PHF19: variants seen among roughly 807,000 people sequenced by gnomAD.
The protein encoded by PHF19 is PHD finger protein 19, also known as polycomb like 3.
In PHF19, 21 loss-of-function variants were observed where a neutral mutation model predicts 79.8. That is an observed-to-expected ratio of 0.26 (90% CI 0.19 to 0.38). The LOEUF (loss-of-function observed/expected upper bound fraction) is 0.38, where lower values mean the gene tolerates loss of function less well. PHF19 is among the 10% of genes least tolerant of loss of function. The pLI is 1.00. For synonymous variants in PHF19, 273 were observed against 296.3 expected (o/e 0.92, Z 0.81); for missense variants, 445 against 744.2 (o/e 0.60, Z 4.68).
At chr9:120,861,042 C>T in intron 13 of PHF19, 47 bp downstream of exon 13, 2 of 1,097,922 alleles carry the variant, frequency 1.8e-6, no homozygotes, top group East Asian at 2.3e-5. Flanking sequence ...GCTTGGTTCC[C>T]TCCCTGTCTC....
chr9:120,881,757 CTTAT>C (rs1226217432), upstream of PHF19, among the ~76,000 whole-genome samples: 11 of 151,986 alleles, frequency 7.2e-5, no homozygotes, highest in African/African-American at 2.2e-4. Context: ...GATCACCCTT[CTTAT>C]TTGTTTGTTT....
At chr9:120,883,467 C>T (rs1365167470) in intron 1 of PHF19, among the ~76,000 whole-genome samples, 2 of 152,162 alleles carry the variant, frequency 1.3e-5, no homozygotes, top group Non-Finnish European at 2.9e-5. Context: ...TCTCAGGAAG[C>T]TCCCGGTCCA....
At position 120,869,210 on chromosome 9, in the gene PHF19, A is replaced by G; in HGVS notation, c.586T>C (p.Cys196Arg). 1 of 1,611,678 alleles carries G rather than the reference A, an allele frequency of 6.2e-7. No homozygotes were observed. Residue 196 changes from cysteine (C) to arginine (R), a missense_variant, in exon 6 of 15, where the codon TGC becomes CGC. Around this residue, in one of 5 missense-constraint regions of PHF19, gnomAD observed 167 missense variants for 375.8 expected, o/e 0.44. Coordinates refer to ENST00000373896, the MANE Select transcript of PHF19 (RefSeq NM_015651.3). The surrounding 1 kb of genome is among the most constrained non-coding windows in gnomAD (Gnocchi z 5.8). ...CCGGGCCCGCCGCAGTAGCAGTAGC[A>G]TTGCTGCTGGTTGGTGCGATGGGGC... ...DSPHRTNQQQ[C>R]YCYCGGPGEW... is the part of the protein sequence containing the mutation.
intron 6 of PHF19, chr9:120,868,787 G>A (rs938209959): frequency 3.1e-5 from 31 of 991,622 alleles, no homozygotes; most frequent in Non-Finnish European, 3.5e-5. Context: ...CCTCCACAGG[G>A]TGCTTCTCGA....
At chr9:120,865,527 A>G (rs2045672986) in intron 9 of PHF19, among the ~76,000 whole-genome samples, 183 bp downstream of exon 9, 2 of 152,294 alleles carry the variant, frequency 1.3e-5, no homozygotes, top group East Asian at 1.9e-4. Flanking sequence ...GGAGGCCCCA[A>G]CCTGCCCACT....
intron 9 of PHF19, among the ~76,000 whole-genome samples, chr9:120,864,898 T>C (rs1217057244): frequency 2.0e-5 from 3 of 152,194 alleles, no homozygotes; most frequent in Non-Finnish European, 4.4e-5. Context: ...TTAAAAAGTA[T>C]ACTTCCTTAT....
Position 120,874,520 on chromosome 9 carries a change from G to A in PHF19, c.186+36C>T, listed in dbSNP as rs757947417. 1.5e-6 allele frequency: 2 copies of A among 1,360,852 alleles called. No homozygotes were observed. The highest frequency in any genetic ancestry group is 2.4e-5 in the South Asian group (2 of 83,886). The allele number at this position is 1,360,852 out of a possible 1,614,324, so 84.3% of individuals were successfully genotyped here. On this transcript the variant is annotated intron_variant, in intron 2 of 14. Transcript: ENST00000373896. This position sits in a 1 kb window ranked among gnomAD's most constrained non-coding sequence, Gnocchi z 4.5. ...GCTGGAACATGAGCAGAGAGATTCT[G>A]AGTCTGAGAACAGGGGCCAGAGAGG... is the stretch of plus-strand genomic sequence containing the variant.
upstream of PHF19, among the ~76,000 whole-genome samples, chr9:120,895,612 C>T (rs2046394888): frequency 6.6e-6 from 1 of 152,040 alleles, no homozygotes; most frequent in South Asian, 2.1e-4. Context: ...AAGTGATTGC[C>T]TTAAAGAGAA....
chr9:120,898,120 A>G (rs7875829), upstream of PHF19, among the ~76,000 whole-genome samples: 104,435 of 152,074 alleles, frequency 0.69, 36,141 homozygotes, highest in South Asian at 0.82. Context: ...CAATCTCTCT[A>G]AGATTGTTTG....
the PHF19 span, among the ~76,000 whole-genome samples, chr9:120,901,837 T>G: frequency 6.6e-6 from 1 of 152,036 alleles, no homozygotes; most frequent in Non-Finnish European, 1.5e-5. Context: ...TGACTGGCCG[T>G]TGGGGGCAAA....
chr9:120,870,490 G>A lies in PHF19; in HGVS notation c.317C>T (p.Thr106Ile), dbSNP rs763071504. ...GAGGATCTCATTCAGCGGCCCTGATGTCTTCCCTAGGCAGATGTTGCACTT... is the reference window on the plus strand; with the variant it reads ...GAGGATCTCATTCAGCGGCCCTGATATCTTCCCTAGGCAGATGTTGCACTT... ...EPKCNICLGKTSGPLNEILIC... is the reference protein window; with the variant it reads ...EPKCNICLGKISGPLNEILIC... The change falls in exon 4 of 15, where the codon ACA becomes ATA. Residue 106 changes from threonine (T) to isoleucine (I), a missense_variant. By Grantham distance (89) the Thr-to-Ile change is moderately conservative (BLOSUM62 -1). Coordinates refer to ENST00000373896, the MANE Select transcript of PHF19 (RefSeq NM_015651.3). This position sits in a 1 kb window ranked among gnomAD's most constrained non-coding sequence, Gnocchi z 4.4. 3.5e-5 allele frequency: 57 copies of A among 1,613,522 alleles called. No homozygotes were observed. Among genetic ancestry groups the A allele is most frequent in the Non-Finnish European group, 4.4e-5 (52 of 1,179,510 alleles).
upstream of PHF19, among the ~76,000 whole-genome samples, chr9:120,899,162 G>A (rs2046422333): frequency 6.8e-6 from 1 of 147,866 alleles, no homozygotes; most frequent in African/African-American, 2.5e-5. Context: ...TTGGACCACT[G>A]CACTCCAGCC....
chr9:120,884,079 G>A (rs1171724396), intron 1 of PHF19, among the ~76,000 whole-genome samples: 1 of 152,146 alleles, frequency 6.6e-6, no homozygotes, highest in African/African-American at 2.4e-5. Flanking sequence ...TCTTTATAAA[G>A]GTTGTTATAT....
intron 9 of PHF19, 130 bp from the exon 10 acceptor site, chr9:120,864,246 C>T: frequency 1.4e-6 from 1 of 723,038 alleles, no homozygotes; most frequent in Non-Finnish European, 2.4e-6. Flanking sequence ...TGACTCACTC[C>T]AGGATCTCAG....
Position 120,857,990 on chromosome 9 carries a change from C to G in PHF19, c.1697G>C (p.Gly566Ala). The change falls in exon 15 of 15, where the codon GGC becomes GCC. Residue 566 changes from glycine to alanine, a missense_variant. Gly to Ala is a moderately conservative substitution (Grantham distance 60, BLOSUM62 0). Coordinates refer to ENST00000373896, the MANE Select transcript of PHF19 (RefSeq NM_015651.3). The stretch of plus-strand genomic sequence containing the variant: ...CCACTCCACCAGGTACTGAACCTTG[C>G]CCTCAGGTGTGACCCTCCGAGCCAA... ...QVLARRVTPE[G>A]KVQYLVEWEG... 1 of 1,613,380 alleles carries G rather than the reference C, an allele frequency of 6.2e-7. No individual in the cohort carries two copies. The highest frequency in any genetic ancestry group is 8.5e-7 in the Non-Finnish European group (1 of 1,179,544).
At chr9:120,863,777 A>G (rs1481726265) in intron 10 of PHF19, among the ~76,000 whole-genome samples, 1 of 152,150 alleles carries the variant, frequency 6.6e-6, no homozygotes, top group Non-Finnish European at 1.5e-5. Flanking sequence ...CCCAAGGCCT[A>G]GATGTCTAGA....
At chr9:120,895,281 T>C (rs1331000774), upstream of PHF19, among the ~76,000 whole-genome samples, 1 of 152,088 alleles carries the variant, frequency 6.6e-6, no homozygotes, top group Non-Finnish European at 1.5e-5. Context: ...CTAAGACTTA[T>C]AAAGGATAGA....
chr9:120,876,888 G>A, intron 1 of PHF19: 1 of 668,778 alleles, frequency 1.5e-6, no homozygotes, highest in African/African-American at 1.9e-5. Flanking sequence ...ATGCCCCCCG[G>A]GGCTCGGGAA....
At chr9:120,877,239 G>T, upstream of PHF19, 1 of 924,314 alleles carries the variant, frequency 1.1e-6, no homozygotes, top group Non-Finnish European at 1.3e-6. Flanking sequence ...GGGCGGGGCG[G>T]GGGCGCCGCG....
Sources: allele counts gnomAD v4.1 joint callset (sites outside exome capture counted in the v4.1 genomes callset), GRCh38; gene constraint gnomAD v4.1.1; regional missense constraint gnomAD v4.1.1; non-coding constraint Gnocchi (gnomAD v3.1); transcripts MANE v1.5; gene names NCBI Gene and HGNC (gene_info 2026-07-23, HGNC 2026-07-21).